The following CRB2 variants were observed in gnomAD, a reference collection of about 807,000 sequenced individuals.
The protein encoded by CRB2 is protein crumbs homolog 2.
CRB2 carries 85 observed loss-of-function variants against 110.9 expected under a neutral mutation model. That is an observed-to-expected ratio of 0.77 (90% CI 0.64 to 0.92). The LOEUF (loss-of-function observed/expected upper bound fraction) is 0.92. Ranked by LOEUF, CRB2 falls within the 40% of genes least tolerant of loss-of-function variation. The pLI, the probability that CRB2 is intolerant of heterozygous loss-of-function variation, is 0.00. For synonymous variants in CRB2, 907 were observed against 831.0 expected (o/e 1.09, Z -1.57); for missense variants, 1,843 against 1,851.3 (o/e 1.00, Z 0.08).
At position 123,366,003 on chromosome 9, in the gene CRB2, C is replaced by A. The variant is rs758338569; in HGVS notation, c.505C>A (p.Arg169Ser). ...GSCLDGVGSF[R>S]CVCAPGYGGT... ...GTGCCTGGACGGCGTGGGCTCCTTC[C>A]GCTGTGTGTGCGCGCCAGGCTACGG... Residue 169 changes from arginine to serine, a missense_variant, in exon 3 of 13, where the codon CGC becomes AGC. Coordinates refer to ENST00000373631, the MANE Select transcript of CRB2 (RefSeq NM_173689.7). 1 of 1,596,428 alleles carries A rather than the reference C, an allele frequency of 6.3e-7. No individual in the cohort carries two copies. Among genetic ancestry groups the A allele is most frequent in the South Asian group, 1.1e-5 (1 of 90,586 alleles).
intron 1 of CRB2, among the ~76,000 whole-genome samples, chr9:123,361,750 A>G (rs1253248358): frequency 6.6e-6 from 1 of 152,140 alleles, no homozygotes; most frequent in African/African-American, 2.4e-5. Context: ...TTCTTTTATG[A>G]TCTAATTTTC....
chr9:123,371,550 C>T lies in CRB2; in HGVS notation c.2408C>T (p.Ala803Val), dbSNP rs932396631. Residue 803 changes from alanine (A) to valine (V), a missense_variant, in exon 8 of 13, where the codon GCG (alanine) becomes GTG (valine). Ala to Val is a moderately conservative substitution (Grantham distance 64). Transcript: ENST00000373631. ...GGCAGGCAGTCCTGGAACCTCACTG[C>T]GGGCTGCGTCTCCGAGGACATGTGC... Reference protein sequence around the residue: ...LGGRQSWNLTAGCVSEDMCSP... With the variant: ...LGGRQSWNLTVGCVSEDMCSP... The T allele has an allele frequency of 2.6e-5, 42 of 1,612,910 alleles. No individual in the cohort carries two copies. Among genetic ancestry groups the T allele is most frequent in the East Asian group, 4.5e-5 (2 of 44,890 alleles).
chr9:123,368,924 G>A, intron 6 of CRB2: 1 of 1,255,316 alleles, frequency 8.0e-7, no homozygotes, highest in Non-Finnish European at 1.0e-6. Context: ...GGACCTTCCT[G>A]GGCCACCTGT....
In CRB2 at chr9:123,362,948, G is replaced by A. The variant is rs1419643523; in HGVS notation, c.178G>A (p.Gly60Ser). ...GTECQATESG[G>S]YTCGPMEPRG... is the part of the protein sequence containing the mutation. ...CGAGTGCCAGGCTACCGAGAGTGGT[G>A]GCTATACCTGTGGGCCCATGGAGCC... Residue 60 changes from glycine to serine, a missense_variant, in exon 2 of 13, where the codon GGC (glycine) becomes AGC (serine). Coordinates refer to ENST00000373631, the MANE Select transcript of CRB2 (RefSeq NM_173689.7). 1.2e-6 allele frequency: 2 copies of A among 1,609,910 alleles called. No individual in the cohort carries two copies. Among genetic ancestry groups the A allele is most frequent in the Admixed American group, 1.7e-5 (1 of 59,962 alleles).
chr9:123,364,002 A>C (rs897269137), intron 2 of CRB2, among the ~76,000 whole-genome samples: 5 of 152,212 alleles, frequency 3.3e-5, no homozygotes, highest in African/African-American at 1.2e-4. Flanking sequence ...TCCTGAATTC[A>C]GACAACTGTA....
chr9:123,368,977 G>A (rs1485418346), intron 6 of CRB2: 1 of 1,197,738 alleles, frequency 8.3e-7, no homozygotes, highest in African/African-American at 1.6e-5. Flanking sequence ...TGGGCAGGGG[G>A]AGGTTGGTGG....
Position 123,371,494 on chromosome 9 carries a change from G to A in CRB2, c.2352G>A (p.Leu784=). The change falls in exon 8 of 13, where the codon CTG becomes CTA. Residue 784 remains leucine (L), a synonymous_variant. Coordinates refer to ENST00000373631, the MANE Select transcript of CRB2 (RefSeq NM_173689.7). ...GCHLPFFPLP[L]DNSSQPSELG... ...ACCTCCCCTTCTTTCCTCTGCCACT[G>A]GATAACTCAAGCCAGCCCAGCGAGC... 6.2e-7 allele frequency: 1 copy of A among 1,613,210 alleles called. No homozygotes were observed. The highest frequency in any genetic ancestry group is 1.6e-4 in the Middle Eastern group (1 of 6,062).
rs200283870 is a variant in CRB2, at chr9:123,362,912, G to T, written c.142G>T (p.Ala48Ser). 7 of 1,598,146 alleles carry T rather than the reference G, an allele frequency of 4.4e-6. No individual in the cohort carries two copies. In the South Asian group the frequency reaches 7.7e-5, roughly 18 times the overall value. Residue 48 changes from alanine (A) to serine (S), a missense_variant, in exon 2 of 13, where the codon GCT becomes TCT. By Grantham distance (99) the Ala-to-Ser change is moderately conservative (BLOSUM62 1). Coordinates refer to ENST00000373631, the MANE Select transcript of CRB2 (RefSeq NM_173689.7). ...CAGTGCCTGTGCCTCAGACCCGTGC[G>T]CTCCAGGGACCGAGTGCCAGGCTAC... is the stretch of plus-strand genomic sequence containing the variant. ...PPSACASDPC[A>S]PGTECQATES...
downstream of CRB2, chr9:123,378,798 G>GTTGTT (rs2042147845): frequency 1.4e-5 from 1 of 71,734 alleles, no homozygotes; most frequent in Non-Finnish European, 2.4e-5. Flanking sequence ...TCGGGTGCCT[G>GTTGTT]TTTTTTGTTT....
Position 123,370,951 on chromosome 9 carries a change from G to T in CRB2, c.1898G>T (p.Arg633Leu). 3.1e-6 allele frequency: 5 copies of T among 1,609,144 alleles called. No individual in the cohort carries two copies. The highest frequency in any genetic ancestry group is 4.2e-6 in the Non-Finnish European group (5 of 1,176,838). ...LWTHFRCDCARPHRGPTCADE... is the reference protein window; with the variant it reads ...LWTHFRCDCALPHRGPTCADE... ...ACTCATTTCCGTTGCGACTGTGCCC[G>T]GCCCCATAGAGGTCCCACGTGCGCT... Residue 633 changes from arginine to leucine, a missense_variant, in exon 7 of 13, where the codon CGG becomes CTG. Coordinates refer to ENST00000373631, the MANE Select transcript of CRB2 (RefSeq NM_173689.7).
rs2041886222 is a variant in CRB2, at chr9:123,363,018, T to C, written c.248T>C (p.Val83Ala). The C allele has an allele frequency of 6.2e-7, 1 of 1,612,512 alleles. No individual in the cohort carries two copies. The highest frequency in any genetic ancestry group is 1.3e-5 in the African/African-American group (1 of 74,928). Reference sequence around the variant, plus strand: ...CCATGCCACCACGGCGCTCTGTGTGTGCCCCAGGGTCCAGATCCCACCGGC... The same window carrying C: ...CCATGCCACCACGGCGCTCTGTGTGCGCCCCAGGGTCCAGATCCCACCGGC... ...TQPCHHGALC[V>A]PQGPDPTGFR... The change falls in exon 2 of 13, where the codon GTG (valine) becomes GCG (alanine). Residue 83 changes from valine to alanine, a missense_variant. Physicochemically the swap from Val to Ala is moderately conservative, Grantham distance 64. Coordinates refer to ENST00000373631, the MANE Select transcript of CRB2 (RefSeq NM_173689.7).
At chr9:123,374,995 CCT>C (rs567183089) in intron 11 of CRB2, among the ~76,000 whole-genome samples, 3 of 152,364 alleles carry the variant, frequency 2.0e-5, no homozygotes, top group East Asian at 3.9e-4. Flanking sequence ...GGGGCACCTG[CCT>C]TCACACAGGC....
intron 2 of CRB2, among the ~76,000 whole-genome samples, chr9:123,363,392 C>T (rs1319376074): frequency 6.6e-6 from 1 of 152,256 alleles, no homozygotes; most frequent in Admixed American, 6.5e-5. Context: ...CGGGTGCTGG[C>T]GTGGTGTGTG....
In CRB2 at chr9:123,373,148, A is replaced by G. The variant is rs1393206259; in HGVS notation, c.2617A>G (p.Thr873Ala). The change falls in exon 10 of 13, where the codon ACG (threonine) becomes GCG (alanine). Residue 873 changes from threonine to alanine, a missense_variant. Thr to Ala is a moderately conservative substitution (Grantham distance 58, BLOSUM62 0). Coordinates refer to ENST00000373631, the MANE Select transcript of CRB2 (RefSeq NM_173689.7). The stretch of plus-strand genomic sequence containing the variant: ...TCTCTCCGCAGGTGTGGCGGAGGCC[A>G]CGTTCCGCGAGGGTCCCCCCGCCGC... ...PDGFVCVAEA[T>A]FREGPPAAFS... 2.7e-6 allele frequency: 4 copies of G among 1,508,004 alleles called. No individual in the cohort carries two copies. Among genetic ancestry groups the G allele is most frequent in the East Asian group, 5.5e-5 (2 of 36,450 alleles). The allele number at this position is 1,508,004 out of a possible 1,614,324, so 93.4% of individuals were successfully genotyped here.
rs527637248 is a variant in CRB2 at position 123,373,276 on chromosome 9, C to T, written c.2745C>T (p.Gly915=). ...CCTGGCTGCTGCGTGCCGCGGCGGG[C>T]GCCCTGGAAGGCGTGTGGCTGGCGG... The part of the protein sequence containing the change: ...SEAWLLRAAA[G]ALEGVWLAVR... Residue 915 remains glycine, a synonymous_variant, in exon 10 of 13, where the codon GGC becomes GGT. Coordinates refer to ENST00000373631, the MANE Select transcript of CRB2 (RefSeq NM_173689.7). The T allele has an allele frequency of 1.1e-4, 169 of 1,481,958 alleles. No individual in the cohort carries two copies. The highest frequency in any genetic ancestry group is 1.9e-4 in the South Asian group (15 of 77,794). 91.8% of individuals were successfully genotyped at this position (1,481,958 alleles called of 1,614,324 possible). A position where few individuals can be genotyped will look rare whatever the true frequency, so the allele number is the denominator to read the frequency against.
intron 2 of CRB2, among the ~76,000 whole-genome samples, chr9:123,364,121 A>AGAG (rs970312203): frequency 2.8e-4 from 42 of 152,304 alleles, no homozygotes; most frequent in African/African-American, 1.0e-3. Flanking sequence ...GCTGATGAAG[A>AGAG]GAGATTTGGG....
chr9:123,356,454 G>C (rs549592346), intron 1 of CRB2, 100 bp downstream of exon 1: 9 of 932,724 alleles, frequency 9.6e-6, no homozygotes, highest in Middle Eastern at 2.5e-4. Context: ...GGGCTGGTCC[G>C]CGTGGGTGCA....
chr9:123,361,944 CG>C (rs1320324493), intron 1 of CRB2, among the ~76,000 whole-genome samples: 1 of 152,158 alleles, frequency 6.6e-6, no homozygotes, highest in Admixed American at 6.5e-5. Context: ...GATCTCTGGG[CG>C]TGGCTTCCAA....
intron 1 of CRB2, among the ~76,000 whole-genome samples, chr9:123,358,828 A>G (rs1043501449): frequency 3.3e-5 from 5 of 152,226 alleles, no homozygotes; most frequent in African/African-American, 1.2e-4. Context: ...CGCTGGTATA[A>G]GGATTGGAAG....
Sources: allele counts gnomAD v4.1 joint callset (sites outside exome capture counted in the v4.1 genomes callset), GRCh38; gene constraint gnomAD v4.1.1; transcripts MANE v1.5; gene names NCBI Gene and HGNC (gene_info 2026-07-23, HGNC 2026-07-21).